CNTLN: variants seen among roughly 807,000 people sequenced by gnomAD.
CNTLN encodes centlein, centrosomal protein.
In CNTLN, 212 loss-of-function variants were observed where a neutral mutation model predicts 180.0. The observed-to-expected ratio is 1.18, with a 90% CI of 1.05 to 1.32. CNTLN has a LOEUF of 1.32. Ranked by LOEUF, CNTLN falls within the 40% of genes most tolerant of loss-of-function variation. CNTLN has a pLI of 0.00. For synonymous variants in CNTLN, 722 were observed against 563.1 expected, an observed-to-expected ratio of 1.28 and a Z score of -3.99; for missense variants, 2,095 against 1,610.9, an observed-to-expected ratio of 1.30 and a Z score of -5.14.
chr9:17,162,365 C>T (rs1169128924), intron 2 of CNTLN, among the ~76,000 whole-genome samples: 2 of 152,186 alleles, frequency 1.3e-5, no homozygotes, highest in African/African-American at 4.8e-5. Context: ...CTGCCCGCCT[C>T]GGCCTCCCAA....
chr9:17,294,770 G>A (rs1425538677), intron 6 of CNTLN, among the ~76,000 whole-genome samples: 6 of 68,074 alleles, frequency 8.8e-5, no homozygotes, highest in African/African-American at 2.4e-4. Flanking sequence ...AGCCCACCGC[G>A]GGGGGAGTGA....
intron 2 of CNTLN, among the ~76,000 whole-genome samples, chr9:17,150,389 A>G (rs1818776596): frequency 1.3e-5 from 2 of 152,198 alleles, no homozygotes; most frequent in South Asian, 4.1e-4. Flanking sequence ...TTTTCCCAAC[A>G]CCATTTATTA....
intron 5 of CNTLN, among the ~76,000 whole-genome samples, chr9:17,240,143 T>C (rs1216388676): frequency 6.6e-6 from 1 of 152,132 alleles, no homozygotes; most frequent in Non-Finnish European, 1.5e-5. Flanking sequence ...TTCAGTTGTT[T>C]TGTAGCTTTC....
intron 2 of CNTLN, among the ~76,000 whole-genome samples, chr9:17,176,965 T>C (rs1414440944): frequency 6.6e-6 from 1 of 152,238 alleles, no homozygotes; most frequent in African/African-American, 2.4e-5. Flanking sequence ...CCCTATTTTT[T>C]TCCCTTGTCA....
At chr9:17,362,598 T>C (rs879617011) in intron 12 of CNTLN, among the ~76,000 whole-genome samples, 4 of 152,220 alleles carry the variant, frequency 2.6e-5, no homozygotes, top group Non-Finnish European at 5.9e-5. Context: ...TGAATAATTA[T>C]AACAATAATT....
At chr9:17,232,370 CTG>C (rs1319276976) in intron 3 of CNTLN, among the ~76,000 whole-genome samples, 2 of 151,860 alleles carry the variant, frequency 1.3e-5, no homozygotes, top group East Asian at 1.9e-4. Context: ...CAGATTGAGT[CTG>C]TGTTTGTCCT....
chr9:17,433,429 C>T (rs372862940), intron 18 of CNTLN, among the ~76,000 whole-genome samples: 13 of 151,846 alleles, frequency 8.6e-5, no homozygotes, highest in Non-Finnish European at 1.8e-4. Context: ...GGATTACAGG[C>T]GCCTGCCACC....
chr9:17,177,997 C>T (rs927845391), intron 2 of CNTLN, among the ~76,000 whole-genome samples: 1 of 151,964 alleles, frequency 6.6e-6, no homozygotes, highest in Admixed American at 6.6e-5. Context: ...TTCTCCACAT[C>T]CCCACTAGAT....
chr9:17,443,966 G>A (rs537420618), intron 18 of CNTLN, among the ~76,000 whole-genome samples: 3 of 152,284 alleles, frequency 2.0e-5, no homozygotes, highest in Admixed American at 6.5e-5. Flanking sequence ...AGATCCCATA[G>A]AGGAACTGAT....
chr9:17,471,648 T>C (rs180984845), intron 23 of CNTLN, among the ~76,000 whole-genome samples: 3 of 152,216 alleles, frequency 2.0e-5, no homozygotes. Flanking sequence ...ATTCCACTGA[T>C]ATGTGTAGAG....
intron 25 of CNTLN, among the ~76,000 whole-genome samples, chr9:17,491,907 TACTAGCCTGAAGGTTA>T (rs1230498448): frequency 1.4e-5 from 2 of 141,158 alleles, no homozygotes; most frequent in African/African-American, 3.2e-5. Context: ...TAGAATATAC[TACTAGCCTGAAGGTTA>T]ACTGAAAGTT....
intron 8 of CNTLN, among the ~76,000 whole-genome samples, chr9:17,328,457 G>A (rs1252013481): frequency 6.6e-6 from 1 of 152,110 alleles, no homozygotes; most frequent in Non-Finnish European, 1.5e-5. Context: ...GGAGTTGAGC[G>A]GCAACTGCCC....
chr9:17,525,880 A>G, the CNTLN span, among the ~76,000 whole-genome samples: 1 of 152,216 alleles, frequency 6.6e-6, no homozygotes, highest in South Asian at 2.1e-4. Flanking sequence ...ATAACAATAC[A>G]TTAACAAAGC....
chr9:17,157,228 C>T (rs1379605784), intron 2 of CNTLN, among the ~76,000 whole-genome samples: 1 of 152,132 alleles, frequency 6.6e-6, no homozygotes, highest in Admixed American at 6.5e-5. Flanking sequence ...CATGACTTAC[C>T]ATGTTTCAAA....
At chr9:17,266,609 C>T (rs997034706) in intron 5 of CNTLN, among the ~76,000 whole-genome samples, 3 of 152,130 alleles carry the variant, frequency 2.0e-5, no homozygotes, top group South Asian at 2.1e-4. Context: ...CTTTCTGTCT[C>T]GTTGATCTGT....
At chr9:17,365,249 C>A (rs1823716343) in intron 12 of CNTLN, among the ~76,000 whole-genome samples, 1 of 152,258 alleles carries the variant, frequency 6.6e-6, no homozygotes, top group East Asian at 1.9e-4. Context: ...GTGTGTAGCA[C>A]CTCCCTCTGT....
Position 17,503,339 on chromosome 9 carries a change from G to T in CNTLN, c.*687G>T, listed in dbSNP as rs1023407295. The T allele has an allele frequency of 1.3e-5, 2 of 152,164 alleles. No homozygotes were observed. The highest frequency in any genetic ancestry group is 2.9e-5 in the Non-Finnish European group (2 of 68,042). The allele number at this position is 152,164 out of a possible 1,614,324, so 9.4% of individuals were successfully genotyped here. On this transcript the variant is annotated 3_prime_UTR_variant, in exon 26 of 26. Transcript: ENST00000380647. ...GTATAAAATTAGGCTCTATTTAACA[G>T]AACTACTACTGTGGTCAGCTAATTT...
chr9:17,250,391 CTT>C (rs1241910534), intron 5 of CNTLN, among the ~76,000 whole-genome samples: 1 of 151,900 alleles, frequency 6.6e-6, no homozygotes, highest in Admixed American at 6.6e-5. Context: ...GAAGAACTAA[CTT>C]CTGCCATTTT....
rs1464847633 is a variant in CNTLN, at chr9:17,332,122, A to G, written c.1519-483A>G. ...CATTATAGTTAATGACCATATGGTC[A>G]TTATGGTATAAGATCTACTGTCTGT... On this transcript the variant is annotated intron_variant, in intron 9 of 25. Coordinates refer to ENST00000380647, the MANE Select transcript of CNTLN (RefSeq NM_017738.4). Among the ~76,000 whole-genome samples the G allele has an allele frequency of 2.0e-5, 3 of 152,198 alleles. No homozygotes were observed. The South Asian group carries it at 6.2e-4, about 31-fold the overall frequency.
Sources: gnomAD v4.1 joint callset for allele counts (sites outside exome capture counted in the v4.1 genomes callset) on GRCh38, gnomAD v4.1.1 for gene constraint, MANE v1.5 for transcripts, NCBI Gene and HGNC (gene_info 2026-07-23, HGNC 2026-07-21) for gene names.